The following TNR variants were observed in gnomAD, a reference collection of about 807,000 sequenced individuals.
TNR encodes the protein tenascin-R.
A neutral mutation model predicts 150.4 loss-of-function variants in TNR; 45 were observed. The observed-to-expected ratio is 0.30, with a 90% CI of 0.24 to 0.38. The LOEUF (loss-of-function observed/expected upper bound fraction) is 0.38, where lower values mean the gene tolerates loss of function less well. Ranked by LOEUF, TNR falls within the 10% of genes least tolerant of loss-of-function variation. The pLI is 1.00. For missense variants in TNR, 1,544 were observed against 1,759.1 expected (o/e 0.88, Z 2.19); for synonymous variants, 687 against 678.4 (o/e 1.01, Z -0.20).
chr1:175,668,304 A>C (rs978904194), intron 1 of TNR, among the ~76,000 whole-genome samples: 1 of 152,150 alleles, frequency 6.6e-6, no homozygotes, highest in Admixed American at 6.5e-5. Flanking sequence ...GTTTTGGTAG[A>C]CCTCAGTTTG....
At chr1:175,562,048 T>G (rs1214784682) in intron 1 of TNR, among the ~76,000 whole-genome samples, 1 of 152,222 alleles carries the variant, frequency 6.6e-6, no homozygotes, top group Non-Finnish European at 1.5e-5. Flanking sequence ...GGAAGAAGGA[T>G]AAGAGGGCTA....
At chr1:175,659,043 C>T (rs1179666379) in intron 1 of TNR, among the ~76,000 whole-genome samples, 1 of 152,214 alleles carries the variant, frequency 6.6e-6, no homozygotes, top group Non-Finnish European at 1.5e-5. Context: ...TGGAAGCCAC[C>T]TCTGCCACTA....
chr1:175,620,418 C>A (rs1050046844), intron 1 of TNR, among the ~76,000 whole-genome samples: 1 of 152,154 alleles, frequency 6.6e-6, no homozygotes, highest in African/African-American at 2.4e-5. Context: ...AAAATTTTGA[C>A]CCAGTAACCT....
chr1:175,509,741 A>G (rs1659093732), intron 2 of TNR, among the ~76,000 whole-genome samples: 1 of 152,216 alleles, frequency 6.6e-6, no homozygotes, highest in African/African-American at 2.4e-5. Context: ...AAAGTGCTGT[A>G]TCTAAACTCT....
chr1:175,518,209 C>A (rs1659492243), intron 2 of TNR, among the ~76,000 whole-genome samples: 2 of 152,164 alleles, frequency 1.3e-5, no homozygotes, highest in East Asian at 1.9e-4. Context: ...ATTTAGATTG[C>A]AAGCTTGAAT....
At chr1:175,711,767 G>A (rs867474686) in intron 1 of TNR, among the ~76,000 whole-genome samples, 3 of 152,216 alleles carry the variant, frequency 2.0e-5, no homozygotes, top group Non-Finnish European at 2.9e-5. Flanking sequence ...GGATCCATGA[G>A]AGAGTGAGAG....
At chr1:175,679,096 T>C (rs1430668438) in intron 1 of TNR, among the ~76,000 whole-genome samples, 2 of 152,270 alleles carry the variant, frequency 1.3e-5, no homozygotes, top group African/African-American at 2.4e-5. Context: ...TAAGAAAAGA[T>C]GTTCCAGTGA....
chr1:175,737,139 T>C (rs759740756), intron 1 of TNR, among the ~76,000 whole-genome samples: 14 of 152,208 alleles, frequency 9.2e-5, no homozygotes, highest in Admixed American at 3.9e-4. Flanking sequence ...TGTGTGGCCT[T>C]GGGCAAGCAC....
intron 1 of TNR, among the ~76,000 whole-genome samples, chr1:175,627,918 C>T (rs746566672): frequency 2.0e-5 from 3 of 152,052 alleles, no homozygotes; most frequent in Non-Finnish European, 4.4e-5. Flanking sequence ...CTGTAAAAGC[C>T]GAAGAAGCCA....
chr1:175,550,811 C>T (rs977318424), intron 1 of TNR, among the ~76,000 whole-genome samples: 13 of 151,342 alleles, frequency 8.6e-5, no homozygotes, highest in Non-Finnish European at 1.3e-4. Context: ...AATATTTCAT[C>T]CATGAAACAA....
chr1:175,315,811 CAT>C lies in TNR; in HGVS notation c.*7544_*7545del, dbSNP rs1491237029. The C allele has an allele frequency of 1.5e-4, 13 of 89,160 alleles. No individual in the cohort carries two copies. Among genetic ancestry groups the C allele is most frequent in the South Asian group, 8.8e-4 (2 of 2,264 alleles). 5.5% of individuals were successfully genotyped at this position (89,160 alleles called of 1,614,324 possible). On this transcript the variant is annotated 3_prime_UTR_variant, in exon 23 of 23. Transcript: ENST00000367674. ...ATGTGTGCATGCATGTGTGTGTGTGCATGTGTGTGTGTGTGTGTGTGTGTGTG... is the reference window on the plus strand; with the variant it reads ...ATGTGTGCATGCATGTGTGTGTGTGCGTGTGTGTGTGTGTGTGTGTGTGTG...
rs373814818 is a variant in TNR at position 175,386,014 on chromosome 1, C to T, written c.1777+18G>A. 1.3e-4 allele frequency: 198 copies of T among 1,547,924 alleles called. 1 individual carries two copies. The highest frequency in any genetic ancestry group is 1.6e-4 in the Non-Finnish European group (186 of 1,143,276). On this transcript the variant is annotated intron_variant, in intron 8 of 22. Transcript: ENST00000367674. ...CCTCTTTCCCTCCTTGTGCGTCTCT[C>T]CCCCACCGCAGCCTTACCTGTTGTG...
intron 1 of TNR, among the ~76,000 whole-genome samples, chr1:175,537,446 G>C (rs1296847199): frequency 6.6e-6 from 1 of 152,154 alleles, no homozygotes; most frequent in South Asian, 2.1e-4. Flanking sequence ...TTCAGGAGCA[G>C]AGCCTGAGTA....
chr1:175,436,009 T>A (rs537887856), intron 2 of TNR, among the ~76,000 whole-genome samples: 1 of 152,258 alleles, frequency 6.6e-6, no homozygotes, highest in Non-Finnish European at 1.5e-5. Flanking sequence ...AGAGATCAGC[T>A]CTTAGTCTGA....
chr1:175,552,448 C>A (rs750006375), intron 1 of TNR, among the ~76,000 whole-genome samples: 6 of 152,166 alleles, frequency 3.9e-5, no homozygotes, highest in Non-Finnish European at 5.9e-5. Context: ...AAAGTCCTTG[C>A]ACATATGTTA....
intron 2 of TNR, among the ~76,000 whole-genome samples, chr1:175,434,326 G>C (rs967036181): frequency 6.6e-6 from 1 of 152,048 alleles, no homozygotes; most frequent in African/African-American, 2.4e-5. Context: ...CCTGATAATG[G>C]ATCACCTCTT....
intron 1 of TNR, among the ~76,000 whole-genome samples, chr1:175,613,555 A>T (rs1336605080): frequency 6.9e-6 from 1 of 145,640 alleles, no homozygotes; most frequent in African/African-American, 2.6e-5. Context: ...TGCCCTCTGT[A>T]GCCTGGCTTC....
chr1:175,674,986 G>A (rs1033684208), intron 1 of TNR, among the ~76,000 whole-genome samples: 3 of 152,214 alleles, frequency 2.0e-5, no homozygotes, highest in African/African-American at 7.2e-5. Context: ...GCCAGGAGAA[G>A]GGGGAGCAGG....
intron 1 of TNR, among the ~76,000 whole-genome samples, chr1:175,582,440 T>C (rs949623996): frequency 6.6e-6 from 1 of 152,230 alleles, no homozygotes; most frequent in Non-Finnish European, 1.5e-5. Flanking sequence ...TAAAGACAGT[T>C]GCACCATCAC....
Sources: allele counts gnomAD v4.1 joint callset (sites outside exome capture counted in the v4.1 genomes callset), GRCh38; gene constraint gnomAD v4.1.1; transcripts MANE v1.5; gene names NCBI Gene and HGNC (gene_info 2026-07-23, HGNC 2026-07-21).